Variants in COL23A1 observed in about 807,000 individuals in gnomAD.
The protein encoded by COL23A1 is collagen type XXIII alpha 1 chain, also known as collagen alpha-1(XXIII) chain.
A neutral mutation model predicts 99.3 loss-of-function variants in COL23A1; 97 were observed. The ratio of observed to expected loss-of-function variants is 0.98; its 90% CI spans 0.83 to 1.16. COL23A1 has a LOEUF of 1.16. Ranked by LOEUF, COL23A1 falls within the 50% of genes most tolerant of loss-of-function variation. COL23A1 has a pLI of 0.00. For synonymous variants in COL23A1, 320 were observed against 308.2 expected (o/e 1.04, Z -0.40); for missense variants, 762 against 757.4 (o/e 1.01, Z -0.07).
intron 2 of COL23A1, among the ~76,000 whole-genome samples, chr5:178,332,137 G>C (rs1453373293): frequency 6.6e-6 from 1 of 152,224 alleles, no homozygotes; most frequent in Non-Finnish European, 1.5e-5. Context: ...ATCCCTGCTG[G>C]TGACACCCCC....
At chr5:178,389,603 C>T (rs758879303) in intron 2 of COL23A1, among the ~76,000 whole-genome samples, 3 of 152,194 alleles carry the variant, frequency 2.0e-5, no homozygotes, top group Non-Finnish European at 4.4e-5. Flanking sequence ...CCCTCCACCC[C>T]CAAGTCGTAG....
At chr5:178,490,591 T>A (rs1255253162) in intron 2 of COL23A1, among the ~76,000 whole-genome samples, 3 of 151,764 alleles carry the variant, frequency 2.0e-5, no homozygotes, top group Non-Finnish European at 4.4e-5. Context: ...GGTTTAAACT[T>A]GGGCAACATA....
In COL23A1 at chr5:178,309,711, C is replaced by G. The variant is rs34457818; in HGVS notation, c.362-2792G>C. ...AGCAGTCAAGCCAGAGACCCCCCCCCGGGCATCATCCTGCCCCAGCCCCCA... is the reference window on the plus strand; with the variant it reads ...AGCAGTCAAGCCAGAGACCCCCCCCGGGGCATCATCCTGCCCCAGCCCCCA... On this transcript the variant is annotated intron_variant, in intron 2 of 28. Transcript: ENST00000390654. The surrounding 1 kb of genome is among the most constrained non-coding windows in gnomAD (Gnocchi z 4.7). 4.1e-5 allele frequency among the ~76,000 whole-genome samples: 6 copies of G among 146,718 alleles called. No homozygotes were observed. The highest frequency in any genetic ancestry group is 1.0e-4 in the African/African-American group (4 of 38,992).
intron 2 of COL23A1, among the ~76,000 whole-genome samples, chr5:178,377,065 C>T (rs1288897292): frequency 1.3e-5 from 2 of 152,214 alleles, no homozygotes; most frequent in African/African-American, 4.8e-5. Context: ...ATGCGATGCC[C>T]CGCAGCCTGT....
At chr5:178,523,181 C>CATATATAT (rs375162340) in intron 2 of COL23A1, among the ~76,000 whole-genome samples, 43 of 90,374 alleles carry the variant, frequency 4.8e-4, no homozygotes, top group Non-Finnish European at 6.6e-4. Flanking sequence ...TATATATACA[C>CATATATAT]ATATATATAT....
intron 2 of COL23A1, among the ~76,000 whole-genome samples, chr5:178,553,773 A>C (rs906431127): frequency 6.6e-6 from 1 of 151,978 alleles, no homozygotes; most frequent in African/African-American, 2.4e-5. Context: ...CTTCATACCC[A>C]CGTCCTAGAA....
chr5:178,390,958 G>A (rs1163658745), intron 2 of COL23A1, among the ~76,000 whole-genome samples: 2 of 152,224 alleles, frequency 1.3e-5, no homozygotes, highest in African/African-American at 4.8e-5. Context: ...AAACTTTTGT[G>A]CCTTAAAACA....
At chr5:178,502,039 A>G (rs1005500496) in intron 2 of COL23A1, among the ~76,000 whole-genome samples, 1 of 152,272 alleles carries the variant, frequency 6.6e-6, no homozygotes, top group Non-Finnish European at 1.5e-5. Flanking sequence ...AAGCATAGAA[A>G]AGAAGATAAG....
In COL23A1 at chr5:178,468,001, G is replaced by A. The variant is rs1308026048; in HGVS notation, c.361+92681C>T. ...CACCACTGAGAAGGAACTGGAAGGC[G>A]GCGATGCTCTCTGGAGCGGACAGGC... On this transcript the variant is annotated intron_variant, in intron 2 of 28. Coordinates refer to ENST00000390654, the MANE Select transcript of COL23A1 (RefSeq NM_173465.4). The surrounding 1 kb of genome is among the most constrained non-coding windows in gnomAD (Gnocchi z 4.2). 1.3e-5 allele frequency among the ~76,000 whole-genome samples: 2 copies of A among 152,180 alleles called. No homozygotes were observed. Among genetic ancestry groups the A allele is most frequent in the South Asian group, 2.1e-4 (1 of 4,832 alleles).
At chr5:178,272,669 C>T (rs116671676) in intron 5 of COL23A1, among the ~76,000 whole-genome samples, 1 of 152,300 alleles carries the variant, frequency 6.6e-6, no homozygotes, top group Admixed American at 6.5e-5. Context: ...CAGTTCCCGG[C>T]TGTCCTGATC....
At chr5:178,270,282 C>T in intron 6 of COL23A1, 55 bp downstream of exon 6, 2 of 1,609,530 alleles carry the variant, frequency 1.2e-6, no homozygotes, top group Non-Finnish European at 1.7e-6. Context: ...CACTCCTAGC[C>T]CCACGGTGGC....
intron 2 of COL23A1, among the ~76,000 whole-genome samples, chr5:178,367,926 G>A (rs540019572): frequency 2.0e-5 from 3 of 152,308 alleles, no homozygotes; most frequent in Admixed American, 6.5e-5. Flanking sequence ...GAGGGGCTCA[G>A]GGCTGGGCCA....
At chr5:178,372,632 G>A (rs2127723995) in intron 2 of COL23A1, among the ~76,000 whole-genome samples, 2 of 150,928 alleles carry the variant, frequency 1.3e-5, no homozygotes, top group African/African-American at 4.9e-5. Context: ...GAGTGCAGTG[G>A]TGAGGTCACA....
At chr5:178,562,160 T>TTAAC (rs1424063734) in intron 1 of COL23A1, 1 of 492,292 alleles carries the variant, frequency 2.0e-6, no homozygotes, top group Admixed American at 2.3e-5. Context: ...GAGAACTGCT[T>TTAAC]TAACGCGAGA....
intron 2 of COL23A1, among the ~76,000 whole-genome samples, chr5:178,454,127 GC>G (rs1278026597): frequency 6.6e-6 from 1 of 152,128 alleles, no homozygotes; most frequent in Non-Finnish European, 1.5e-5. Flanking sequence ...TTAAGCAACA[GC>G]CCTGAAAAGT....
intron 2 of COL23A1, among the ~76,000 whole-genome samples, chr5:178,427,131 C>A (rs1278918701): frequency 6.6e-6 from 1 of 152,138 alleles, no homozygotes; most frequent in Non-Finnish European, 1.5e-5. Context: ...ACCTGGGAGG[C>A]AGAGGTTGCA....
intron 1 of COL23A1, among the ~76,000 whole-genome samples, chr5:178,576,757 C>A (rs973360759): frequency 2.6e-5 from 4 of 151,904 alleles, no homozygotes. Context: ...CCCAACGGGT[C>A]CCCCGGCGAC....
intron 2 of COL23A1, among the ~76,000 whole-genome samples, chr5:178,451,595 T>A (rs1767490237): frequency 1.4e-5 from 2 of 144,094 alleles, no homozygotes; most frequent in Non-Finnish European, 3.0e-5. Context: ...AGGCAGAGGT[T>A]GCAGTGAGCC....
chr5:178,263,923 A>C (rs1765770360), intron 8 of COL23A1, among the ~76,000 whole-genome samples: 1 of 152,200 alleles, frequency 6.6e-6, no homozygotes, highest in Admixed American at 6.5e-5. Context: ...GATGCATCTC[A>C]GGAGAATTAT....
Sources: gnomAD v4.1 joint callset for allele counts (sites outside exome capture counted in the v4.1 genomes callset) on GRCh38, gnomAD v4.1.1 for gene constraint, Gnocchi (gnomAD v3.1) non-coding constraint, MANE v1.5 for transcripts, NCBI Gene and HGNC (gene_info 2026-07-23, HGNC 2026-07-21) for gene names.